ADAMTS3: variants seen among roughly 807,000 people sequenced by gnomAD.
ADAMTS3 encodes ADAM metallopeptidase with thrombospondin type 1 motif 3.
ADAMTS3 carries 73 observed loss-of-function variants against 129.0 expected under a neutral mutation model. The ratio of observed to expected loss-of-function variants is 0.57; its 90% CI spans 0.47 to 0.69. The LOEUF (loss-of-function observed/expected upper bound fraction) is 0.69. Among genes scored for constraint, ADAMTS3 ranks in the 30% least tolerant of loss-of-function variants. The pLI is 0.00. For missense variants in ADAMTS3, 1,457 were observed against 1,514.5 expected (o/e 0.96, Z 0.63); for synonymous variants, 477 against 510.8 (o/e 0.93, Z 0.89).
chr4:72,408,926 G>A (rs1722119137), intron 4 of ADAMTS3, among the ~76,000 whole-genome samples: 1 of 151,968 alleles, frequency 6.6e-6, no homozygotes, highest in Admixed American at 6.6e-5. Context: ...GGGGGTGGGG[G>A]CCTAGGGGAG....
intron 3 of ADAMTS3, among the ~76,000 whole-genome samples, chr4:72,517,865 T>C (rs1051545440): frequency 2.6e-4 from 40 of 151,728 alleles, no homozygotes; most frequent in Non-Finnish European, 4.9e-4. Flanking sequence ...TAGTTATTTC[T>C]TGCCTTCTGC....
At chr4:72,396,856 C>T (rs10016332) in intron 4 of ADAMTS3, among the ~76,000 whole-genome samples, 1 of 152,156 alleles carries the variant, frequency 6.6e-6, no homozygotes, top group Admixed American at 6.5e-5. Flanking sequence ...GGATAGCCTA[C>T]GGAATGCTGT....
rs1719535838 is a variant in ADAMTS3 at position 72,320,863 on chromosome 4, C to T, written c.953G>A (p.Ser318Asn). The change falls in exon 7 of 22, where the codon AGC becomes AAC. Residue 318 changes from serine (S) to asparagine (N), a missense_variant. By Grantham distance (46) the Ser-to-Asn change is conservative. Coordinates refer to ENST00000286657, the MANE Select transcript of ADAMTS3 (RefSeq NM_014243.3). ...MIMLGYAKSI[S>N]LIERGNPSRS... Reference sequence around the variant, plus strand: ...GGATGGGTTTCCCCTTTCTATGAGGCTGATGGACTAAGTGAAAACAATATG... The same window carrying T: ...GGATGGGTTTCCCCTTTCTATGAGGTTGATGGACTAAGTGAAAACAATATG... 1 of 1,613,502 alleles carries T rather than the reference C, an allele frequency of 6.2e-7. No homozygotes were observed.
chr4:72,397,341 G>A (rs1721751762), intron 4 of ADAMTS3, among the ~76,000 whole-genome samples: 1 of 152,088 alleles, frequency 6.6e-6, no homozygotes, highest in Non-Finnish European at 1.5e-5. Flanking sequence ...GAGGTGGGTG[G>A]ATCATGTAAG....
At chr4:72,529,491 T>G (rs952281817) in intron 3 of ADAMTS3, among the ~76,000 whole-genome samples, 1 of 150,826 alleles carries the variant, frequency 6.6e-6, no homozygotes, top group African/African-American at 2.4e-5. Context: ...TTAGAATCAT[T>G]TGTAGAGGCA....
At chr4:72,459,083 C>T (rs1400284278) in intron 3 of ADAMTS3, among the ~76,000 whole-genome samples, 1 of 151,626 alleles carries the variant, frequency 6.6e-6, no homozygotes, top group Non-Finnish European at 1.5e-5. Context: ...TAATTATACA[C>T]AACAAATATT....
intron 10 of ADAMTS3, among the ~76,000 whole-genome samples, chr4:72,316,705 A>AATG (rs71215420): frequency 0.57 from 85,942 of 150,688 alleles, 28,823 homozygotes; most frequent in Non-Finnish European, 0.77. Flanking sequence ...TAATAATAAT[A>AATG]ATAATAATAA....
intron 2 of ADAMTS3, among the ~76,000 whole-genome samples, chr4:72,564,158 A>G (rs1314633432): frequency 6.6e-6 from 1 of 152,200 alleles, no homozygotes; most frequent in East Asian, 1.9e-4. Context: ...CCCCAATTCC[A>G]AGTGGGGTCG....
chr4:72,350,256 C>T (rs1420901844), intron 4 of ADAMTS3, among the ~76,000 whole-genome samples: 2 of 151,936 alleles, frequency 1.3e-5, no homozygotes, highest in Non-Finnish European at 1.5e-5. Flanking sequence ...AACTGTGTGC[C>T]TGTAATATAT....
intron 1 of ADAMTS3, among the ~76,000 whole-genome samples, chr4:72,567,762 G>A (rs1053351445): frequency 1.3e-5 from 2 of 152,256 alleles, no homozygotes; most frequent in African/African-American, 4.8e-5. Flanking sequence ...TGATTAATCA[G>A]ATTTAAGGTC....
intron 4 of ADAMTS3, among the ~76,000 whole-genome samples, chr4:72,377,769 T>G (rs1265395915): frequency 6.6e-6 from 1 of 152,190 alleles, no homozygotes; most frequent in African/African-American, 2.4e-5. Flanking sequence ...CTTTATACTT[T>G]GGAGCTGGGT....
At chr4:72,313,471 G>C (rs1049806154) in intron 12 of ADAMTS3, among the ~76,000 whole-genome samples, 1 of 152,054 alleles carries the variant, frequency 6.6e-6, no homozygotes, top group African/African-American at 2.4e-5. Context: ...TTCAATCTTC[G>C]TTTGATCTTC....
intron 4 of ADAMTS3, among the ~76,000 whole-genome samples, chr4:72,351,251 C>T (rs1042250990): frequency 5.9e-5 from 9 of 151,872 alleles, no homozygotes; most frequent in African/African-American, 4.8e-5. Flanking sequence ...CAGCAGTTCA[C>T]TAAATTTGGT....
At chr4:72,412,367 AT>A (rs1722204607) in intron 4 of ADAMTS3, among the ~76,000 whole-genome samples, 1 of 151,998 alleles carries the variant, frequency 6.6e-6, no homozygotes, top group Non-Finnish European at 1.5e-5. Flanking sequence ...CCTAAACCTA[AT>A]TTTTTTCAAT....
chr4:72,546,184 ATAT>A (rs1721462145), intron 3 of ADAMTS3, among the ~76,000 whole-genome samples: 1 of 152,152 alleles, frequency 6.6e-6, no homozygotes, highest in African/African-American at 2.4e-5. Context: ...AATGTCTCTG[ATAT>A]TAACCAGATG....
At chr4:72,406,169 T>G (rs1180056487) in intron 4 of ADAMTS3, among the ~76,000 whole-genome samples, 1 of 152,084 alleles carries the variant, frequency 6.6e-6, no homozygotes, top group Non-Finnish European at 1.5e-5. Flanking sequence ...GTCCCAGCCA[T>G]AACTCAGGGT....
chr4:72,383,638 A>C (rs1453430052), intron 4 of ADAMTS3, among the ~76,000 whole-genome samples: 1 of 152,214 alleles, frequency 6.6e-6, no homozygotes, highest in Non-Finnish European at 1.5e-5. Context: ...AGGAATGCAG[A>C]GGGGTTACAG....
rs763846148 is a variant in ADAMTS3 at position 72,319,877 on chromosome 4, C to T, written c.1189G>A (p.Ala397Thr). 1.2e-6 allele frequency: 2 copies of T among 1,613,616 alleles called. No homozygotes were observed. The highest frequency in any genetic ancestry group is 8.5e-7 in the Non-Finnish European group (1 of 1,179,786). Reference protein sequence around the residue: ...EDGFSSAFVVAHETGHVLGME... With the variant: ...EDGFSSAFVVTHETGHVLGME... ...ACTTACACATGGCCCGTTTCATGGG[C>T]TACTACAAAAGCAGATGAAAAACCA... The change falls in exon 8 of 22, where the codon GCC (alanine) becomes ACC (threonine). Residue 397 changes from alanine (A) to threonine (T), a missense_variant. Transcript: ENST00000286657.
intron 3 of ADAMTS3, among the ~76,000 whole-genome samples, chr4:72,484,317 C>G (rs913103710): frequency 6.6e-6 from 1 of 151,954 alleles, no homozygotes; most frequent in Non-Finnish European, 1.5e-5. Flanking sequence ...TTCCTTTTTT[C>G]TTTTAAAAAA....
Sources: allele counts gnomAD v4.1 joint callset (sites outside exome capture counted in the v4.1 genomes callset), GRCh38; gene constraint gnomAD v4.1.1; transcripts MANE v1.5; gene names NCBI Gene and HGNC (gene_info 2026-07-23, HGNC 2026-07-21).